The following SLC27A2 variants were observed in gnomAD, a reference collection of about 807,000 sequenced individuals.
SLC27A2 encodes solute carrier family 27 member 2, also known as long-chain fatty acid transport protein 2.
Under a neutral mutation model 60.0 loss-of-function variants are expected in SLC27A2, and 54 were observed. That is an observed-to-expected ratio of 0.90 (90% CI 0.72 to 1.13). SLC27A2 has a LOEUF of 1.13. SLC27A2 is among the 50% of genes most tolerant of loss of function. The pLI is 0.00. For missense variants in SLC27A2, 739 were observed against 777.6 expected (o/e 0.95, Z 0.59); for synonymous variants, 297 against 297.6 (o/e 1.00, Z 0.02).
At chr15:50,208,635 G>A (rs1485580597) in intron 4 of SLC27A2, among the ~76,000 whole-genome samples, 1 of 152,144 alleles carries the variant, frequency 6.6e-6, no homozygotes, top group Non-Finnish European at 1.5e-5. Context: ...ATGAATCAAT[G>A]AAAATTCTGC....
At chr15:50,200,377 A>G (rs1482153794) in intron 2 of SLC27A2, among the ~76,000 whole-genome samples, 3 of 152,146 alleles carry the variant, frequency 2.0e-5, no homozygotes, top group Non-Finnish European at 4.4e-5. Flanking sequence ...CTTGAACACC[A>G]CTACACTCCA....
chr15:50,205,566 A>C (rs1470034352), intron 4 of SLC27A2, among the ~76,000 whole-genome samples: 1 of 152,010 alleles, frequency 6.6e-6, no homozygotes, highest in Non-Finnish European at 1.5e-5. Context: ...TATGATGATG[A>C]TTATTTCCTG....
chr15:50,184,706 G>C (rs928882860), intron 1 of SLC27A2, among the ~76,000 whole-genome samples: 1 of 151,748 alleles, frequency 6.6e-6, no homozygotes, highest in Non-Finnish European at 1.5e-5. Context: ...GCATGGTGGC[G>C]CGTGCCTGTA....
chr15:50,207,845 G>T (rs1422289937), intron 4 of SLC27A2, among the ~76,000 whole-genome samples: 1 of 150,668 alleles, frequency 6.6e-6, no homozygotes, highest in Non-Finnish European at 1.5e-5. Flanking sequence ...CATTAGACAA[G>T]CAGGAGATCT....
At chr15:50,185,028 T>C (rs764195915) in intron 1 of SLC27A2, among the ~76,000 whole-genome samples, 1 of 152,242 alleles carries the variant, frequency 6.6e-6, no homozygotes, top group Non-Finnish European at 1.5e-5. Context: ...AACACAGTGA[T>C]CTTTGTACCA....
intron 5 of SLC27A2, 129 bp from the exon 6 acceptor site, chr15:50,225,859 G>T: frequency 3.6e-6 from 2 of 557,822 alleles, no homozygotes; most frequent in Non-Finnish European, 6.3e-6. Context: ...CTGGGTGGCA[G>T]TTTTAAGGGT....
chr15:50,230,964 G>T (rs560278413), intron 8 of SLC27A2, among the ~76,000 whole-genome samples: 1 of 152,134 alleles, frequency 6.6e-6, no homozygotes, highest in South Asian at 2.1e-4. Context: ...GGCCCACCCC[G>T]AACTACCAAG....
intron 4 of SLC27A2, among the ~76,000 whole-genome samples, chr15:50,209,503 C>T (rs921522254): frequency 7.2e-5 from 11 of 152,044 alleles, no homozygotes; most frequent in Non-Finnish European, 1.5e-4. Context: ...AGATGAAGGA[C>T]CCAGCACACT....
Position 50,200,748 on chromosome 15 carries a change from G to C in SLC27A2, c.689-1739G>C, listed in dbSNP as rs1438643268. 2.0e-5 allele frequency among the ~76,000 whole-genome samples: 3 copies of C among 151,108 alleles called. No homozygotes were observed. In the Admixed American group the frequency reaches 2.0e-4, roughly 10 times the overall value. ...ACAACATAAGCATACACTTACAGAA[G>C]AAAATCTTACAAAAAACGTATATAA... On this transcript the variant is annotated intron_variant, in intron 2 of 9. Transcript: ENST00000267842.
intron 1 of SLC27A2, among the ~76,000 whole-genome samples, chr15:50,183,845 C>T (rs1395693339): frequency 6.6e-6 from 1 of 152,084 alleles, no homozygotes; most frequent in Non-Finnish European, 1.5e-5. Flanking sequence ...CATTTCTGTG[C>T]TAAGCCCTAT....
chr15:50,196,830 A>G (rs1003918020), intron 1 of SLC27A2, among the ~76,000 whole-genome samples: 1 of 152,100 alleles, frequency 6.6e-6, no homozygotes, highest in Non-Finnish European at 1.5e-5. Context: ...TTCCTAGGAA[A>G]TTACTTGTTA....
intron 7 of SLC27A2, among the ~76,000 whole-genome samples, chr15:50,227,891 C>G (rs1036900253): frequency 1.3e-5 from 2 of 152,148 alleles, no homozygotes; most frequent in South Asian, 2.1e-4. Flanking sequence ...TGAGGAGAAC[C>G]AGGCTCACCT....
At chr15:50,183,494 C>G (rs1047261741) in intron 1 of SLC27A2, among the ~76,000 whole-genome samples, 1 of 152,156 alleles carries the variant, frequency 6.6e-6, no homozygotes, top group African/African-American at 2.4e-5. Flanking sequence ...CCCACCTGAT[C>G]CCCAGGGAGA....
intron 4 of SLC27A2, among the ~76,000 whole-genome samples, chr15:50,209,628 A>G (rs1027502407): frequency 2.0e-5 from 3 of 152,188 alleles, no homozygotes; most frequent in Non-Finnish European, 4.4e-5. Flanking sequence ...AAAGGGCCTT[A>G]CATGGAAGAG....
intron 8 of SLC27A2, among the ~76,000 whole-genome samples, chr15:50,230,188 C>T (rs1354417378): frequency 2.7e-5 from 4 of 145,462 alleles, no homozygotes; most frequent in East Asian, 4.1e-4. Flanking sequence ...GAGCCGAGAT[C>T]GTGCCATTGC....
intron 2 of SLC27A2, among the ~76,000 whole-genome samples, chr15:50,199,972 G>A (rs1347267857): frequency 6.6e-6 from 1 of 152,178 alleles, no homozygotes; most frequent in Non-Finnish European, 1.5e-5. Context: ...AAAAGAATTT[G>A]TTTAAACAGT....
rs373916989 is a variant in SLC27A2 at position 50,235,957 on chromosome 15, A to C, written c.1724A>C (p.Lys575Thr). 4 of 1,613,672 alleles carry C rather than the reference A, an allele frequency of 2.5e-6. No homozygotes were observed. Among genetic ancestry groups the C allele is most frequent in the Non-Finnish European group, 8.5e-7 (1 of 1,179,902 alleles). The change falls in exon 10 of 10, where the codon AAA becomes ACA. Residue 575 changes from lysine to threonine, a missense_variant. By Grantham distance (78) the Lys-to-Thr change is moderately conservative. Coordinates refer to ENST00000267842, the MANE Select transcript of SLC27A2 (RefSeq NM_003645.4). ...ATCACTGGAACTTTTAAACACCGCA[A>C]AATGACCCTGGTGGAGGAGGGCTTT... ...IEITGTFKHR[K>T]MTLVEEGFNP...
intron 1 of SLC27A2, among the ~76,000 whole-genome samples, chr15:50,189,604 G>A (rs76647602): frequency 0.096 from 14,674 of 152,220 alleles, 894 homozygotes; most frequent in African/African-American, 0.17. Flanking sequence ...CACTTTGCTG[G>A]CATATATGGG....
chr15:50,202,417 C>A, intron 2 of SLC27A2, 70 bp from the exon 3 acceptor site: 1 of 1,505,348 alleles, frequency 6.6e-7, no homozygotes, highest in Non-Finnish European at 9.2e-7. Context: ...CTTCCTAAGC[C>A]AGATCTCTCT....
Sources: allele counts gnomAD v4.1 joint callset (sites outside exome capture counted in the v4.1 genomes callset), GRCh38; gene constraint gnomAD v4.1.1; transcripts MANE v1.5; gene names NCBI Gene and HGNC (gene_info 2026-07-23, HGNC 2026-07-21).